The following PARP8 variants were observed in gnomAD, a reference collection of about 807,000 sequenced individuals.
PARP8 encodes the protein poly(ADP-ribose) polymerase family member 8.
A neutral mutation model predicts 124.1 loss-of-function variants in PARP8; 51 were observed. That is an observed-to-expected ratio of 0.41 (90% confidence interval 0.33 to 0.52). PARP8 has a LOEUF of 0.52. Ranked by LOEUF, PARP8 falls within the 20% of genes least tolerant of loss-of-function variation. PARP8 has a pLI of 0.21. For missense variants in PARP8, 860 were observed against 1,018.9 expected, an observed-to-expected ratio of 0.84 and a Z score of 2.12; for synonymous variants, 391 against 361.5, an observed-to-expected ratio of 1.08 and a Z score of -0.93.
intron 24 of PARP8, 132 bp downstream of exon 24, chr5:50,834,180 A>C (rs1747309401): frequency 1.4e-6 from 1 of 711,408 alleles, no homozygotes; most frequent in South Asian, 2.3e-5. Flanking sequence ...CTCAAAGGGC[A>C]CAAATGCAAA....
intron 2 of PARP8, among the ~76,000 whole-genome samples, chr5:50,739,333 C>T (rs1163007228): frequency 1.3e-5 from 2 of 148,892 alleles, no homozygotes; most frequent in Non-Finnish European, 1.5e-5. Context: ...TTGAGGAGGC[C>T]TTTGGATGTC....
rs1749546037 is a variant in PARP8 at position 50,667,959 on chromosome 5, C to T, written c.92-112C>T. ...GACCTCGCCGCCCTCTAGCCCTTGC[C>T]TTCTGCCCGGCCAGGCCTCCCCTGA... On this transcript the variant is annotated intron_variant, in intron 1 of 25. Coordinates refer to ENST00000281631, the MANE Select transcript of PARP8 (RefSeq NM_024615.4). The T allele has an allele frequency of 1.9e-6, 3 of 1,595,146 alleles. No individual in the cohort carries two copies. The South Asian group carries it at 3.3e-5, about 18-fold the overall frequency.
intron 2 of PARP8, among the ~76,000 whole-genome samples, chr5:50,706,717 C>T (rs1287764370): frequency 2.0e-5 from 3 of 152,070 alleles, no homozygotes; most frequent in Non-Finnish European, 4.4e-5. Context: ...TAAGCACACA[C>T]TCACATGTAC....
chr5:50,690,280 T>C (rs535497892), intron 2 of PARP8, among the ~76,000 whole-genome samples: 2 of 152,310 alleles, frequency 1.3e-5, no homozygotes, highest in African/African-American at 4.8e-5. Context: ...ATGGTCTCCA[T>C]TTCTTTTTGG....
At chr5:50,687,000 G>A (rs1222376512) in intron 2 of PARP8, among the ~76,000 whole-genome samples, 6 of 152,116 alleles carry the variant, frequency 3.9e-5, no homozygotes, top group East Asian at 1.9e-4. Context: ...ATTAACATTC[G>A]GCTTCTAGTT....
rs537537657 is a variant in PARP8 at position 50,794,328 on chromosome 5, C to A, written c.859C>A (p.Arg287Ser). The change falls in exon 11 of 26, where the codon CGC becomes AGC. Residue 287 changes from arginine to serine, a missense_variant. By Grantham distance (110) the Arg-to-Ser change is moderately radical. Transcript: ENST00000281631. ...KSPLHLFSTL[R>S]RSPSYPPPGC... ...TCCCCTGCATTTATTTTCTACTTTG[C>A]GCAGGTTGGTAACAGGCAACTTCGT... 6.2e-7 allele frequency: 1 copy of A among 1,612,398 alleles called. No homozygotes were observed. Among genetic ancestry groups the A allele is most frequent in the Non-Finnish European group, 8.5e-7 (1 of 1,178,990 alleles).
At chr5:50,709,243 G>T (rs1257147319) in intron 2 of PARP8, among the ~76,000 whole-genome samples, 3 of 151,856 alleles carry the variant, frequency 2.0e-5, no homozygotes, top group African/African-American at 4.8e-5. Flanking sequence ...GCTTTTTCAA[G>T]ATTTCTTCAT....
chr5:50,783,227 G>A (rs1250865208), intron 9 of PARP8, among the ~76,000 whole-genome samples: 3 of 152,004 alleles, frequency 2.0e-5, no homozygotes, highest in African/African-American at 7.2e-5. Flanking sequence ...TAGAAGGGAG[G>A]AGAGAAGAAG....
chr5:50,739,728 ATATATTTT>A (rs1467286998), intron 2 of PARP8, among the ~76,000 whole-genome samples: 22 of 59,314 alleles, frequency 3.7e-4, no homozygotes, highest in African/African-American at 1.0e-3. Context: ...ATATATATAT[ATATATTTT>A]TTTTTTTTTT....
chr5:50,780,812 C>T (rs1740585504), intron 9 of PARP8, among the ~76,000 whole-genome samples: 1 of 152,124 alleles, frequency 6.6e-6, no homozygotes, highest in Non-Finnish European at 1.5e-5. Flanking sequence ...AGTTTTCCTC[C>T]TACGAAAAGC....
rs143235241 is a variant in PARP8 at position 50,831,804 on chromosome 5, T to C, written c.2234-977T>C. Among the ~76,000 whole-genome samples, 65 of 152,280 alleles carry C rather than the reference T, an allele frequency of 4.3e-4. No individual in the cohort carries two copies. In the East Asian group the frequency reaches 0.012, roughly 27 times the overall value. On this transcript the variant is annotated intron_variant, in intron 22 of 25. Coordinates refer to ENST00000281631, the MANE Select transcript of PARP8 (RefSeq NM_024615.4). ...AAAAATTTGTGTTATATGTGCTTTT[T>C]TTCTGGAGAGGGAGCACTTACCTTT...
chr5:50,667,822 C>G (rs1398077484), intron 1 of PARP8: 9 of 1,171,244 alleles, frequency 7.7e-6, no homozygotes, highest in East Asian at 2.5e-5. Flanking sequence ...TCCGGCCTCC[C>G]CTATCGGGAA....
At chr5:50,713,415 A>AT (rs1176476749) in intron 2 of PARP8, among the ~76,000 whole-genome samples, 3 of 151,718 alleles carry the variant, frequency 2.0e-5, no homozygotes, top group East Asian at 1.9e-4. Context: ...TAATTTTGGT[A>AT]TTTTTTGTAG....
intron 7 of PARP8, among the ~76,000 whole-genome samples, chr5:50,777,060 C>A (rs2149607732): frequency 6.6e-6 from 1 of 152,290 alleles, no homozygotes; most frequent in East Asian, 1.9e-4. Context: ...TAATGCTTGA[C>A]CTGGTTTCCA....
intron 10 of PARP8, among the ~76,000 whole-genome samples, 187 bp downstream of exon 10, chr5:50,788,776 C>T (rs535289392): frequency 2.2e-4 from 33 of 152,298 alleles, no homozygotes; most frequent in Admixed American, 7.8e-4. Flanking sequence ...AGTTTTCCAC[C>T]TGGGCCAGAG....
chr5:50,709,793 G>C (rs1267195543), intron 2 of PARP8, among the ~76,000 whole-genome samples: 1 of 151,254 alleles, frequency 6.6e-6, no homozygotes, highest in Non-Finnish European at 1.5e-5. Flanking sequence ...AACCAAAAGA[G>C]AGATAAATAG....
At chr5:50,730,944 A>G (rs1189684730) in intron 2 of PARP8, among the ~76,000 whole-genome samples, 1 of 152,226 alleles carries the variant, frequency 6.6e-6, no homozygotes, top group Non-Finnish European at 1.5e-5. Flanking sequence ...TGGGGCAGTA[A>G]CTTTACACCG....
intron 3 of PARP8, among the ~76,000 whole-genome samples, chr5:50,755,815 A>C (rs1334045378): frequency 6.6e-6 from 1 of 152,236 alleles, no homozygotes; most frequent in Non-Finnish European, 1.5e-5. Context: ...ATCCATGAGC[A>C]TGGAATGTTC....
At chr5:50,763,689 A>T (rs1261692508) in intron 7 of PARP8, among the ~76,000 whole-genome samples, 1 of 151,472 alleles carries the variant, frequency 6.6e-6, no homozygotes, top group African/African-American at 2.4e-5. Flanking sequence ...CATGTATTTT[A>T]TTCTGTAGTT....
Sources: allele counts gnomAD v4.1 joint callset (sites outside exome capture counted in the v4.1 genomes callset), GRCh38; gene constraint gnomAD v4.1.1; transcripts MANE v1.5; gene names NCBI Gene and HGNC (gene_info 2026-07-23, HGNC 2026-07-21).